The following HOMER2 variants were observed in gnomAD, a reference collection of about 807,000 sequenced individuals.
HOMER2 encodes the protein homer scaffold protein 2.
Under a neutral mutation model 47.0 loss-of-function variants are expected in HOMER2, and 27 were observed. The observed-to-expected ratio is 0.57, with a 90% confidence interval of 0.42 to 0.79. HOMER2 has a LOEUF of 0.79. HOMER2 is among the 30% of genes least tolerant of loss of function. HOMER2 has a pLI of 0.00. For synonymous variants in HOMER2, 161 were observed against 163.8 expected (o/e 0.98, Z 0.13); for missense variants, 443 against 435.0 (o/e 1.02, Z -0.16).
At chr15:82,977,379 T>C (rs2030241776) in intron 1 of HOMER2, among the ~76,000 whole-genome samples, 1 of 152,230 alleles carries the variant, frequency 6.6e-6, no homozygotes, top group Admixed American at 6.5e-5. Context: ...CCAGTCTTGT[T>C]GAAGGATTCA....
intron 8 of HOMER2, among the ~76,000 whole-genome samples, chr15:82,850,873 C>A (rs1458796071): frequency 6.6e-6 from 1 of 152,236 alleles, no homozygotes; most frequent in Admixed American, 6.5e-5. Flanking sequence ...TCCTCACCCC[C>A]ACCAGGGATC....
chr15:82,919,139 C>T (rs2053664091), intron 1 of HOMER2, among the ~76,000 whole-genome samples: 2 of 152,120 alleles, frequency 1.3e-5, no homozygotes, highest in Non-Finnish European at 2.9e-5. Flanking sequence ...TCCATGTGTC[C>T]GTGACACTAA....
At chr15:82,877,577 T>A (rs2052391081) in intron 2 of HOMER2, among the ~76,000 whole-genome samples, 1 of 152,190 alleles carries the variant, frequency 6.6e-6, no homozygotes, top group Non-Finnish European at 1.5e-5. Flanking sequence ...ACTTGTCCTA[T>A]AAACTTCCAT....
chr15:82,860,242 A>T (rs2051732093), intron 4 of HOMER2, among the ~76,000 whole-genome samples: 1 of 152,014 alleles, frequency 6.6e-6, no homozygotes, highest in Non-Finnish European at 1.5e-5. Context: ...AACTCAAAAT[A>T]AAAAAAAGGA....
exon 2 of HOMER2, chr15:82,840,745 TA>T (rs922307043): frequency 1.5e-4 from 23 of 152,142 alleles, no homozygotes; most frequent in African/African-American, 4.8e-4. Flanking sequence ...CGGGAAAATT[TA>T]AATTGCCAAA....
At chr15:82,968,065 A>T (rs999494379) in intron 1 of HOMER2, among the ~76,000 whole-genome samples, 1 of 152,122 alleles carries the variant, frequency 6.6e-6, no homozygotes, top group African/African-American at 2.4e-5. Context: ...TCATTTTTAA[A>T]TTTTTTATTT....
chr15:82,926,081 T>C (rs1190414875), intron 1 of HOMER2: 1 of 152,266 alleles, frequency 6.6e-6, no homozygotes, highest in African/African-American at 2.4e-5. Context: ...GTCCAACCCA[T>C]CTATAATCTT....
At chr15:82,847,773 C>CA (rs995442371), downstream of HOMER2, among the ~76,000 whole-genome samples, 2 of 152,158 alleles carry the variant, frequency 1.3e-5, no homozygotes, top group African/African-American at 4.8e-5. Context: ...CCCAGGCAGC[C>CA]ACACACCCAG....
chr15:82,917,099 C>G (rs1453900655), intron 1 of HOMER2, among the ~76,000 whole-genome samples: 3 of 152,188 alleles, frequency 2.0e-5, no homozygotes, highest in African/African-American at 7.2e-5. Flanking sequence ...CGTGCCCGGC[C>G]CAGAGCCCTC....
chr15:82,853,012 C>T (rs2051447924), intron 6 of HOMER2, among the ~76,000 whole-genome samples: 2 of 152,218 alleles, frequency 1.3e-5, no homozygotes, highest in South Asian at 4.1e-4. Context: ...ACCCCACATG[C>T]AACACAAAAG....
chr15:82,928,940 T>TAAAAAAAAAAAAAAAAAAAAAAAAAAAAA lies in HOMER2; in HGVS notation c.5+23590_5+23591insTTTTTTTTTTTTTTTTTTTTTTTTTTTTT. ...TAACAACTGGCAAAAAAATAAAAAC[T>TAAAAAAAAAAAAAAAAAAAAAAAAAAAAA]AAAAAAAAAAAAAAAAAAAAGCTGT... On this transcript the variant is annotated intron_variant, in intron 1 of 8. Coordinates refer to ENST00000450735, the MANE Select transcript of HOMER2 (RefSeq NM_004839.4). Among the ~76,000 whole-genome samples the TAAAAAAAAAAAAAAAAAAAAAAAAAAAAA allele has an allele frequency of 7.3e-4, 29 of 39,920 alleles. 6 individuals carry two copies. Among genetic ancestry groups the TAAAAAAAAAAAAAAAAAAAAAAAAAAAAA allele is most frequent in the Admixed American group, 1.6e-3 (4 of 2,570 alleles). The allele number at this position is 39,920 out of a possible 152,430, so 26.2% of individuals were successfully genotyped here.
intron 1 of HOMER2, among the ~76,000 whole-genome samples, chr15:82,972,353 T>TA (rs945329790): frequency 2.0e-5 from 3 of 152,250 alleles, no homozygotes; most frequent in African/African-American, 7.2e-5. Flanking sequence ...ATTATGTTCT[T>TA]AAAGTTTTAC....
In HOMER2 at chr15:82,862,133, G is replaced by A. The variant is rs140303249; in HGVS notation, c.387+2034C>T. Among the ~76,000 whole-genome samples, 102 of 150,994 alleles carry A rather than the reference G, an allele frequency of 6.8e-4. No homozygotes were observed. In the East Asian group the frequency reaches 0.018, roughly 27 times the overall value. ...TCCCAGGCTGGTCTCGAACTCATGA[G>A]CTCAGGTGATCCACTGGCCTCGGCT... On this transcript the variant is annotated intron_variant, in intron 4 of 8. Transcript: ENST00000450735.
chr15:82,891,971 CCAG>C lies in HOMER2; in HGVS notation c.162+711_162+713del, dbSNP rs557222553. On this transcript the variant is annotated intron_variant, in intron 2 of 8. Coordinates refer to ENST00000450735, the MANE Select transcript of HOMER2 (RefSeq NM_004839.4). ...TGTACAGCAGGATGAAGACAGAAAA[CCAG>C]CAGGTCTATTTTTTTTTTTTTTAAA... Among the ~76,000 whole-genome samples, 126 of 151,608 alleles carry C rather than the reference CCAG, an allele frequency of 8.3e-4. 1 individual carries two copies. Among genetic ancestry groups the C allele is most frequent in the Admixed American group, 2.1e-3 (32 of 15,222 alleles).
At position 82,892,821 on chromosome 15, in the gene HOMER2, G is replaced by C. The variant is rs756139537; in HGVS notation, c.26C>G (p.Thr9Ser). The C allele has an allele frequency of 6.3e-7, 1 of 1,598,412 alleles. No individual in the cohort carries two copies. The highest frequency in any genetic ancestry group is 8.6e-7 in the Non-Finnish European group (1 of 1,169,122). The change falls in exon 2 of 9, where the codon ACC becomes AGC. Residue 9 changes from threonine to serine, a missense_variant. By Grantham distance (58) the Thr-to-Ser change is moderately conservative. Coordinates refer to ENST00000450735, the MANE Select transcript of HOMER2 (RefSeq NM_004839.4). ...GTCAATCTGGAAGACATGCGCTCGG[G>C]TGGTGAAGATGGGCTGTTCTCTGCA... MGEQPIFTTRAHVFQIDPN... is the reference protein window; with the variant it reads MGEQPIFTSRAHVFQIDPN...
At chr15:82,906,999 A>T (rs1206204264) in intron 1 of HOMER2, among the ~76,000 whole-genome samples, 1 of 152,232 alleles carries the variant, frequency 6.6e-6, no homozygotes, top group African/African-American at 2.4e-5. Context: ...ACAGAACTAC[A>T]AGAAAAAAAT....
rs1489072046 is a variant in HOMER2 at position 82,896,817 on chromosome 15, ATTC to A, written c.6-3979_6-3977del. Among the ~76,000 whole-genome samples, 3 of 152,226 alleles carry A rather than the reference ATTC, an allele frequency of 2.0e-5. No individual in the cohort carries two copies. In the East Asian group the frequency reaches 5.8e-4, roughly 29 times the overall value. On this transcript the variant is annotated intron_variant, in intron 1 of 8. Transcript: ENST00000450735. ...TGGGGGCACTGGGGAGTTCCATGCT[ATTC>A]TTCTACAATCCAAAAAGTCTAATGA...
At chr15:82,944,993 G>A (rs147083154) in intron 1 of HOMER2, among the ~76,000 whole-genome samples, 87 of 152,076 alleles carry the variant, frequency 5.7e-4, no homozygotes, top group Admixed American at 1.7e-3. Flanking sequence ...TCCAAACAAG[G>A]AGAAACAATT....
At chr15:82,862,941 C>T (rs2051839568) in intron 4 of HOMER2, among the ~76,000 whole-genome samples, 1 of 152,182 alleles carries the variant, frequency 6.6e-6, no homozygotes, top group African/African-American at 2.4e-5. Context: ...ATTGGGCATA[C>T]TCCCTCCTGG....
Sources: allele counts gnomAD v4.1 joint callset (sites outside exome capture counted in the v4.1 genomes callset), GRCh38; gene constraint gnomAD v4.1.1; transcripts MANE v1.5; gene names NCBI Gene and HGNC (gene_info 2026-07-23, HGNC 2026-07-21).